Variants in PRKCA observed in about 807,000 individuals in gnomAD.
PRKCA encodes the protein protein kinase C alpha.
A neutral mutation model predicts 87.0 loss-of-function variants in PRKCA; 27 were observed. The ratio of observed to expected loss-of-function variants is 0.31; its 90% CI spans 0.23 to 0.43. The LOEUF (loss-of-function observed/expected upper bound fraction) is 0.43, where lower values mean the gene tolerates loss of function less well. PRKCA is among the 20% of genes least tolerant of loss of function. The probability of loss-of-function intolerance (pLI) is 1.00; values close to 1 mark genes in which losing one functional copy is unlikely to be tolerated. For missense variants in PRKCA, 518 were observed against 852.3 expected, an observed-to-expected ratio of 0.61 and a Z score of 4.88; for synonymous variants, 329 against 311.1, an observed-to-expected ratio of 1.06 and a Z score of -0.61.
chr17:66,454,875 G>A lies in PRKCA; in HGVS notation c.206-41326G>A, dbSNP rs554866880. Among the ~76,000 whole-genome samples, 7 of 152,348 alleles carry A rather than the reference G, an allele frequency of 4.6e-5. No homozygotes were observed. The South Asian group carries it at 1.4e-3, about 32-fold the overall frequency. ...GCCCCAGGGCAGAGAAGCTTCTACT[G>A]GAGATTCCTTCCTTTCTCCTTTTTA... is the stretch of plus-strand genomic sequence containing the variant. On this transcript the variant is annotated intron_variant, in intron 2 of 16. Transcript: ENST00000413366.
intron 8 of PRKCA, among the ~76,000 whole-genome samples, chr17:66,714,583 A>T (rs971954261): frequency 5.9e-5 from 9 of 152,210 alleles, no homozygotes; most frequent in South Asian, 2.1e-4. Flanking sequence ...GCCACCTGGC[A>T]GCAGGCGATG....
At chr17:66,642,963 C>A (rs912341973) in intron 4 of PRKCA, among the ~76,000 whole-genome samples, 1 of 152,020 alleles carries the variant, frequency 6.6e-6, no homozygotes, top group Non-Finnish European at 1.5e-5. Context: ...TTGCTTGAAC[C>A]CAGGAGGCGG....
chr17:66,487,457 T>C (rs1324709494), intron 2 of PRKCA, among the ~76,000 whole-genome samples: 1 of 151,334 alleles, frequency 6.6e-6, no homozygotes, highest in African/African-American at 2.4e-5. Context: ...ATCTTGGTTA[T>C]TGTGAGTGGT....
chr17:66,521,503 A>G (rs1347096895), intron 3 of PRKCA, among the ~76,000 whole-genome samples: 1 of 152,206 alleles, frequency 6.6e-6, no homozygotes, highest in Non-Finnish European at 1.5e-5. Flanking sequence ...ATTCCAGAAG[A>G]TGGTACAAAT....
At chr17:66,650,421 AT>A (rs908579554) in intron 5 of PRKCA, among the ~76,000 whole-genome samples, 3 of 151,740 alleles carry the variant, frequency 2.0e-5, no homozygotes, top group Non-Finnish European at 4.4e-5. Flanking sequence ...TGTTTTGTAA[AT>A]TCGGTTTATA....
chr17:66,782,860 G>C (rs147723409), intron 14 of PRKCA, among the ~76,000 whole-genome samples: 6 of 152,298 alleles, frequency 3.9e-5, no homozygotes, highest in Non-Finnish European at 8.8e-5. Context: ...AGAGCCCCAG[G>C]CTCCAAATTC....
chr17:66,639,105 AC>A (rs1971222390), intron 3 of PRKCA, among the ~76,000 whole-genome samples: 1 of 152,124 alleles, frequency 6.6e-6, no homozygotes, highest in African/African-American at 2.4e-5. Context: ...CCTTCCCCAA[AC>A]CCTGATCTTC....
At chr17:66,604,008 C>G (rs1438926229) in intron 3 of PRKCA, among the ~76,000 whole-genome samples, 2 of 152,130 alleles carry the variant, frequency 1.3e-5, no homozygotes, top group African/African-American at 2.4e-5. Flanking sequence ...TGTCGATTCA[C>G]TCATCAATGG....
chr17:66,328,797 C>G (rs1906147292), intron 2 of PRKCA, among the ~76,000 whole-genome samples: 1 of 152,072 alleles, frequency 6.6e-6, no homozygotes, highest in African/African-American at 2.4e-5. Context: ...GACTCCGTCT[C>G]AAAACAAACA....
intron 3 of PRKCA, among the ~76,000 whole-genome samples, chr17:66,563,598 C>T (rs1968782255): frequency 6.6e-6 from 1 of 152,176 alleles, no homozygotes; most frequent in Non-Finnish European, 1.5e-5. Flanking sequence ...GCTTCCAAGT[C>T]CTGTGCTCTT....
intron 3 of PRKCA, among the ~76,000 whole-genome samples, chr17:66,502,329 G>T (rs1916771486): frequency 6.6e-6 from 1 of 151,772 alleles, no homozygotes; most frequent in Non-Finnish European, 1.5e-5. Context: ...CCACCTCCCG[G>T]ATTCAAGCGA....
chr17:66,687,360 C>T lies in PRKCA; in HGVS notation c.686+93C>T, dbSNP rs1213270462. On this transcript the variant is annotated intron_variant, in intron 6 of 16. Coordinates refer to ENST00000413366, the MANE Select transcript of PRKCA (RefSeq NM_002737.3). The stretch of plus-strand genomic sequence containing the variant: ...GGTAATGAAGTAGGTTCATTATAAA[C>T]GTCTTTAAACATGTCTTCAGTCCTA... The T allele has an allele frequency of 3.7e-5, 51 of 1,384,580 alleles. No homozygotes were observed. The South Asian group carries it at 5.4e-4, about 15-fold the overall frequency. 85.8% of individuals were successfully genotyped at this position (1,384,580 alleles called of 1,614,324 possible). A position where few individuals can be genotyped will look rare whatever the true frequency, so the allele number is the denominator to read the frequency against.
chr17:66,680,795 T>G (rs1025719252), intron 5 of PRKCA, among the ~76,000 whole-genome samples: 4 of 150,326 alleles, frequency 2.7e-5, no homozygotes, highest in African/African-American at 7.3e-5. Context: ...ACATTGGGGG[T>G]GGGGGAGGTG....
At chr17:66,545,861 T>G (rs1430827863) in intron 3 of PRKCA, among the ~76,000 whole-genome samples, 1 of 152,240 alleles carries the variant, frequency 6.6e-6, no homozygotes, top group Non-Finnish European at 1.5e-5. Context: ...ACCATATTCA[T>G]TTTTCTTTTA....
intron 8 of PRKCA, among the ~76,000 whole-genome samples, chr17:66,710,449 T>C (rs1973295402): frequency 6.6e-6 from 1 of 152,144 alleles, no homozygotes; most frequent in African/African-American, 2.4e-5. Flanking sequence ...TACAGGGCTG[T>C]CATGTCCGCT....
chr17:66,767,159 C>T (rs569925495), intron 13 of PRKCA, among the ~76,000 whole-genome samples: 45 of 152,130 alleles, frequency 3.0e-4, no homozygotes, highest in Non-Finnish European at 5.3e-4. Context: ...CTATTTTCTC[C>T]CTATAAAATG....
chr17:66,635,510 A>G (rs1420423672), intron 3 of PRKCA, among the ~76,000 whole-genome samples: 1 of 152,242 alleles, frequency 6.6e-6, no homozygotes, highest in Non-Finnish European at 1.5e-5. Context: ...GTTTGGAAAC[A>G]GCAGTGTGTT....
intron 5 of PRKCA, 41 bp downstream of exon 5, chr17:66,645,552 T>C (rs1240081004): frequency 1.9e-6 from 3 of 1,612,484 alleles, no homozygotes; most frequent in Non-Finnish European, 2.5e-6. Context: ...TGGGCAGGCA[T>C]TTGGATGAAG....
chr17:66,591,525 A>G (rs1159411710), intron 3 of PRKCA, among the ~76,000 whole-genome samples: 1 of 152,176 alleles, frequency 6.6e-6, no homozygotes, highest in Non-Finnish European at 1.5e-5. Flanking sequence ...TCCCTCAGCC[A>G]TTTAAAAGCA....
Sources: allele counts gnomAD v4.1 joint callset (sites outside exome capture counted in the v4.1 genomes callset), GRCh38; gene constraint gnomAD v4.1.1; transcripts MANE v1.5; gene names NCBI Gene and HGNC (gene_info 2026-07-23, HGNC 2026-07-21).